RASGEF1C: variants seen among roughly 807,000 people sequenced by gnomAD.
RASGEF1C encodes the protein RasGEF domain family member 1C, also known as ras-GEF domain-containing family member 1C.
A neutral mutation model predicts 58.1 loss-of-function variants in RASGEF1C; 27 were observed. The observed-to-expected ratio is 0.46, with a 90% CI of 0.34 to 0.64. RASGEF1C has a LOEUF of 0.64. RASGEF1C is among the 30% of genes least tolerant of loss of function. The probability of loss-of-function intolerance (pLI) is 0.01; values close to 1 mark genes in which losing one functional copy is unlikely to be tolerated. For synonymous variants in RASGEF1C, 243 were observed against 246.3 expected (o/e 0.99, Z 0.13); for missense variants, 502 against 605.1 (o/e 0.83, Z 1.79).
chr5:180,178,682 T>A (rs538226184), intron 1 of RASGEF1C, among the ~76,000 whole-genome samples: 2 of 152,168 alleles, frequency 1.3e-5, no homozygotes, highest in African/African-American at 4.8e-5. Context: ...ACCCCAGCTC[T>A]GAAGTGCACC....
At chr5:180,191,005 G>A (rs534696995) in intron 1 of RASGEF1C, among the ~76,000 whole-genome samples, 41 of 152,248 alleles carry the variant, frequency 2.7e-4, no homozygotes, top group East Asian at 5.8e-4. Flanking sequence ...ACAGTTCATC[G>A]AAGATTTACA....
At chr5:180,163,151 T>C (rs1766968956) in intron 1 of RASGEF1C, among the ~76,000 whole-genome samples, 1 of 151,550 alleles carries the variant, frequency 6.6e-6, no homozygotes, top group Admixed American at 6.6e-5. Context: ...AGGTAGAAAA[T>C]TATCATGTTG....
Position 180,158,326 on chromosome 5 carries a change from GTCT to G in RASGEF1C, c.-6-20271_-6-20269del, listed in dbSNP as rs1272207945. Among the ~76,000 whole-genome samples, 1 of 152,136 alleles carries G rather than the reference GTCT, an allele frequency of 6.6e-6. No individual in the cohort carries two copies. Among genetic ancestry groups the G allele is most frequent in the Non-Finnish European group, 1.5e-5 (1 of 68,030 alleles). ...TGGGCTCCCGTCTCCTGTATTTAAA[GTCT>G]TCTTTCTTGGGTTGGTCTTTCATTT... On this transcript the variant is annotated intron_variant, in intron 1 of 13. Coordinates refer to ENST00000361132, the MANE Select transcript of RASGEF1C (RefSeq NM_175062.4). The surrounding 1 kb of genome is among the most constrained non-coding windows in gnomAD (Gnocchi z 4.0).
intron 12 of RASGEF1C, among the ~76,000 whole-genome samples, chr5:180,103,204 A>T (rs577676796): frequency 1.3e-5 from 2 of 151,990 alleles, no homozygotes; most frequent in African/African-American, 4.8e-5. Flanking sequence ...CACCCTCCCG[A>T]GTGGCTGGGA....
chr5:180,184,543 C>T (rs932516405), intron 1 of RASGEF1C, among the ~76,000 whole-genome samples: 1 of 152,088 alleles, frequency 6.6e-6, no homozygotes, highest in African/African-American at 2.4e-5. Context: ...TGCCACTGCA[C>T]TCCAGCCTGA....
intron 1 of RASGEF1C, among the ~76,000 whole-genome samples, chr5:180,139,208 C>G (rs1409361546): frequency 6.6e-6 from 1 of 152,174 alleles, no homozygotes; most frequent in Non-Finnish European, 1.5e-5. Flanking sequence ...CTAGGCCAGT[C>G]TTCCTTGAAA....
chr5:180,131,840 TTGAA>T (rs1260225615), intron 4 of RASGEF1C, among the ~76,000 whole-genome samples: 1 of 152,258 alleles, frequency 6.6e-6, no homozygotes, highest in Admixed American at 6.5e-5. Flanking sequence ...TTTGTTACTG[TTGAA>T]TGAACCAATA....
chr5:180,128,069 C>T lies in RASGEF1C; in HGVS notation c.639+341G>A, dbSNP rs572012633. Among the ~76,000 whole-genome samples, 5 of 152,336 alleles carry T rather than the reference C, an allele frequency of 3.3e-5. No homozygotes were observed. The East Asian group carries it at 9.6e-4, about 29-fold the overall frequency. On this transcript the variant is annotated intron_variant, in intron 5 of 13. Transcript: ENST00000361132. Reference sequence around the variant, plus strand: ...CTTCTGCTGTGTGACTTTGGCAAGTCGCTTCACCTTTCTGGGCCTTAGTTT... The same window carrying T: ...CTTCTGCTGTGTGACTTTGGCAAGTTGCTTCACCTTTCTGGGCCTTAGTTT...
At chr5:180,153,033 A>G (rs1468232024) in intron 1 of RASGEF1C, among the ~76,000 whole-genome samples, 2 of 151,934 alleles carry the variant, frequency 1.3e-5, no homozygotes, top group African/African-American at 4.8e-5. Flanking sequence ...AAATTGCAGT[A>G]CCTTTATAAA....
rs1425866193 is a variant in RASGEF1C at position 180,111,824 on chromosome 5, T to C, written c.1180-244A>G. ...GTTATCCTCTATGTATGGCAAGTGA[T>C]ACATGTTTGTTGATTTATGTAATTA... On this transcript the variant is annotated intron_variant, in intron 11 of 13. Transcript: ENST00000361132. Among the ~76,000 whole-genome samples the C allele has an allele frequency of 3.3e-5, 5 of 152,260 alleles. No individual in the cohort carries two copies. In the East Asian group the frequency reaches 9.6e-4, roughly 29 times the overall value.
At chr5:180,105,742 C>T (rs1188484687) in intron 12 of RASGEF1C, among the ~76,000 whole-genome samples, 1 of 152,010 alleles carries the variant, frequency 6.6e-6, no homozygotes, top group African/African-American at 2.4e-5. Context: ...GTGGCTCACG[C>T]CTGTAATCCC....
intron 1 of RASGEF1C, among the ~76,000 whole-genome samples, chr5:180,180,386 G>T (rs1204240067): frequency 6.6e-6 from 1 of 152,230 alleles, no homozygotes; most frequent in Non-Finnish European, 1.5e-5. Flanking sequence ...TGTTTGAGAC[G>T]AGCTCCACGA....
intron 1 of RASGEF1C, among the ~76,000 whole-genome samples, chr5:180,140,187 TG>T (rs1365629613): frequency 6.6e-6 from 1 of 151,990 alleles, no homozygotes; most frequent in Non-Finnish European, 1.5e-5. Flanking sequence ...CCAGGGGTGG[TG>T]GTGGTTGCTG....
rs1867457 is a variant in RASGEF1C at position 180,177,217 on chromosome 5, T to C, written c.-7+31811A>G. ...AACGTCCAGCCGAGTAGAGGATGCATTCAAACCATGTGCACATCAGCCCCT... is the reference window on the plus strand; with the variant it reads ...AACGTCCAGCCGAGTAGAGGATGCACTCAAACCATGTGCACATCAGCCCCT... On this transcript the variant is annotated intron_variant, in intron 1 of 13. Transcript: ENST00000361132. The surrounding 1 kb of genome is among the most constrained non-coding windows in gnomAD (Gnocchi z 5.0). Among the ~76,000 whole-genome samples, 18,006 of 152,074 alleles carry C rather than the reference T, an allele frequency of 0.12. 1,113 individuals are homozygous for C. Among genetic ancestry groups the C allele is most frequent in the Middle Eastern group, 0.19 (57 of 294 alleles).
intron 7 of RASGEF1C, 147 bp from the exon 8 acceptor site, chr5:180,119,595 G>A (rs1766132868): frequency 1.5e-6 from 1 of 657,906 alleles, no homozygotes; most frequent in African/African-American, 1.8e-5. Context: ...GGGTCTCAGA[G>A]TGCTTCATGG....
intron 1 of RASGEF1C, among the ~76,000 whole-genome samples, chr5:180,176,061 T>C (rs1767221117): frequency 6.6e-6 from 1 of 152,202 alleles, no homozygotes; most frequent in Non-Finnish European, 1.5e-5. Context: ...ATTACTGTGT[T>C]CAGTCATCAG....
chr5:180,103,177 A>C (rs536808370), intron 12 of RASGEF1C, among the ~76,000 whole-genome samples: 1 of 152,214 alleles, frequency 6.6e-6, no homozygotes, highest in Admixed American at 6.5e-5. Flanking sequence ...TCCCGGGTTC[A>C]CACCATTCTC....
At chr5:180,136,923 A>G (rs1463368641) in intron 3 of RASGEF1C, 1 of 196,560 alleles carries the variant, frequency 5.1e-6, no homozygotes, top group Non-Finnish European at 1.0e-5. Context: ...CAATGAGGAG[A>G]CTCACTGGGC....
At chr5:180,205,026 T>C (rs62406979) in intron 1 of RASGEF1C, among the ~76,000 whole-genome samples, 22,222 of 151,998 alleles carry the variant, frequency 0.15, 2,165 homozygotes, top group Non-Finnish European at 0.22. Flanking sequence ...CCGTCTCTAC[T>C]AAAAATACAA....
Sources: allele counts gnomAD v4.1 joint callset (sites outside exome capture counted in the v4.1 genomes callset), GRCh38; gene constraint gnomAD v4.1.1; non-coding constraint Gnocchi (gnomAD v3.1); transcripts MANE v1.5; gene names NCBI Gene and HGNC (gene_info 2026-07-23, HGNC 2026-07-21).